Variants in WDR64 observed in about 807,000 individuals in gnomAD.
The protein encoded by WDR64 is WD repeat domain 64.
WDR64 carries 112 observed loss-of-function variants against 139.3 expected under a neutral mutation model. The ratio of observed to expected loss-of-function variants is 0.80; its 90% CI spans 0.69 to 0.94. The LOEUF is 0.94. Among genes scored for constraint, WDR64 ranks in the 40% least tolerant of loss-of-function variants. The pLI, the probability that WDR64 is intolerant of heterozygous loss-of-function variation, is 0.00. For synonymous variants in WDR64, 444 were observed against 437.7 expected, an observed-to-expected ratio of 1.01 and a Z score of -0.18; for missense variants, 1,206 against 1,293.1, an observed-to-expected ratio of 0.93 and a Z score of 1.03.
chr1:241,654,723 C>A (rs1665511917), intron 1 of WDR64, among the ~76,000 whole-genome samples: 1 of 152,088 alleles, frequency 6.6e-6, no homozygotes, highest in Non-Finnish European at 1.5e-5. Flanking sequence ...TAAAATGCTC[C>A]AAAATTCAAA....
chr1:241,785,158 A>G (rs564488928), intron 23 of WDR64, among the ~76,000 whole-genome samples: 159 of 152,172 alleles, frequency 1.0e-3, no homozygotes, highest in South Asian at 2.7e-3. Context: ...GCACAACCAC[A>G]TATGTACATG....
chr1:241,707,708 C>T (rs12028060), intron 8 of WDR64, among the ~76,000 whole-genome samples: 39,201 of 152,100 alleles, frequency 0.26, 5,098 homozygotes, highest in Admixed American at 0.32. Flanking sequence ...AGCTCTGGGA[C>T]GCCATCCACA....
chr1:241,718,851 T>G (rs1457469249), intron 9 of WDR64, among the ~76,000 whole-genome samples: 1 of 151,634 alleles, frequency 6.6e-6, no homozygotes, highest in Non-Finnish European at 1.5e-5. Context: ...GGAGAGAGGG[T>G]GGGTTGGGGC....
chr1:241,731,201 TA>T (rs1245332109), intron 10 of WDR64, among the ~76,000 whole-genome samples: 2 of 152,072 alleles, frequency 1.3e-5, no homozygotes, highest in Non-Finnish European at 2.9e-5. Context: ...AACAGAATAC[TA>T]TTCAGCCATT....
chr1:241,679,463 C>A (rs1448880219), intron 5 of WDR64, 22 bp from the exon 6 acceptor site: 2 of 1,541,994 alleles, frequency 1.3e-6, no homozygotes, highest in Admixed American at 3.9e-5. Flanking sequence ...TTATATCCCC[C>A]AATTCTCTGC....
At chr1:241,730,987 ACTCAAAATATTCACAAC>A (rs1168871560) in intron 10 of WDR64, among the ~76,000 whole-genome samples, 2 of 152,132 alleles carry the variant, frequency 1.3e-5, no homozygotes, top group African/African-American at 4.8e-5. Flanking sequence ...ATCTCTCAAA[ACTCAAAATATTCACAAC>A]CTTTGACACA....
At chr1:241,769,313 T>C (rs928440395) in intron 16 of WDR64, 91 bp from the exon 17 acceptor site, 15 of 953,560 alleles carry the variant, frequency 1.6e-5, no homozygotes, top group African/African-American at 3.3e-5. Flanking sequence ...ATTTGAGGAA[T>C]TGCCTAGCTC....
chr1:241,755,206 A>G (rs1670137871), intron 14 of WDR64, among the ~76,000 whole-genome samples: 1 of 152,118 alleles, frequency 6.6e-6, no homozygotes, highest in African/African-American at 2.4e-5. Context: ...AAGCATTCCT[A>G]TTTCTCCATA....
At chr1:241,672,295 AAAAAAG>A (rs1231030402) in intron 3 of WDR64, among the ~76,000 whole-genome samples, 1 of 152,156 alleles carries the variant, frequency 6.6e-6, no homozygotes, top group African/African-American at 2.4e-5. Context: ...GAACTAGAAA[AAAAAAG>A]AAAAAGAAAA....
At chr1:241,729,094 A>G (rs1668973173) in intron 10 of WDR64, among the ~76,000 whole-genome samples, 1 of 152,196 alleles carries the variant, frequency 6.6e-6, no homozygotes, top group Non-Finnish European at 1.5e-5. Flanking sequence ...TGTTAATGGT[A>G]TCATTTGTTT....
chr1:241,777,014 A>AC (rs1170561443), intron 21 of WDR64, among the ~76,000 whole-genome samples: 1 of 152,206 alleles, frequency 6.6e-6, no homozygotes, highest in Admixed American at 6.5e-5. Context: ...GTAGATGTTA[A>AC]AAGAACTTCT....
At chr1:241,792,377 A>G (rs1009202048) in intron 25 of WDR64, among the ~76,000 whole-genome samples, 5 of 152,096 alleles carry the variant, frequency 3.3e-5, no homozygotes, top group Admixed American at 3.3e-4. Flanking sequence ...TCTACTAAAA[A>G]TACAAAAAAT....
intron 10 of WDR64, among the ~76,000 whole-genome samples, chr1:241,724,208 T>A (rs1668717391): frequency 6.6e-6 from 1 of 152,174 alleles, no homozygotes; most frequent in African/African-American, 2.4e-5. Context: ...ATATTCTCCA[T>A]CAGTTTAATA....
intron 27 of WDR64, among the ~76,000 whole-genome samples, chr1:241,800,692 T>C (rs1487848950): frequency 2.6e-5 from 4 of 152,160 alleles, no homozygotes; most frequent in African/African-American, 9.7e-5. Context: ...ATTCCTCATT[T>C]GTGTGACTGA....
At chr1:241,657,907 A>T (rs554189569) in intron 1 of WDR64, among the ~76,000 whole-genome samples, 1 of 152,268 alleles carries the variant, frequency 6.6e-6, no homozygotes, top group African/African-American at 2.4e-5. Context: ...CATCCCAGAA[A>T]GTTCCCTCAT....
rs561741467 is a variant in WDR64, at chr1:241,660,613, T to C, written c.229T>C (p.Tyr77His). The C allele has an allele frequency of 7.1e-6, 11 of 1,551,718 alleles. No homozygotes were observed. In the African/African-American group the frequency reaches 1.5e-4, roughly 21 times the overall value. ...GAAGAATCAAGATGTGAAACGCTTT[T>C]ACAGGAAACTGTGCAACAACACGGA... ...DVKNQDVKRF[Y>H]RKLCNNTDAS... The change falls in exon 2 of 28, where the codon TAC becomes CAC. Residue 77 changes from tyrosine (Y) to histidine (H), a missense_variant. Transcript: ENST00000437684.
chr1:241,715,029 T>C (rs1668349708), intron 9 of WDR64, among the ~76,000 whole-genome samples: 2 of 152,166 alleles, frequency 1.3e-5, no homozygotes, highest in Admixed American at 1.3e-4. Context: ...AATTACAGCT[T>C]TGTGCACTCA....
chr1:241,654,469 A>G (rs145232359), intron 1 of WDR64, among the ~76,000 whole-genome samples: 1 of 152,334 alleles, frequency 6.6e-6, no homozygotes, highest in East Asian at 1.9e-4. Flanking sequence ...CTACTTGGCC[A>G]TTGCACTAGA....
intron 26 of WDR64, 43 bp from the exon 27 acceptor site, chr1:241,796,214 A>C (rs1659359588): frequency 2.1e-6 from 3 of 1,432,662 alleles, no homozygotes; most frequent in African/African-American, 1.4e-5. Context: ...TTACAGAAGT[A>C]ATCACTTTGA....
Sources: gnomAD v4.1 joint callset for allele counts (sites outside exome capture counted in the v4.1 genomes callset) on GRCh38, gnomAD v4.1.1 for gene constraint, MANE v1.5 for transcripts, NCBI Gene and HGNC (gene_info 2026-07-23, HGNC 2026-07-21) for gene names.